Variants in RAB35 observed in about 807,000 individuals in gnomAD.
RAB35 encodes the protein ras-related protein Rab-35.
RAB35 carries 4 observed loss-of-function variants against 28.9 expected under a neutral mutation model. The ratio of observed to expected loss-of-function variants is 0.14; its 90% confidence interval spans 0.07 to 0.32. RAB35 has a LOEUF of 0.32. Ranked by LOEUF, RAB35 falls within the 10% of genes least tolerant of loss-of-function variation. RAB35 has a pLI of 1.00. For missense variants in RAB35, 128 were observed against 274.0 expected, an observed-to-expected ratio of 0.47 and a Z score of 3.76; for synonymous variants, 99 against 105.1, an observed-to-expected ratio of 0.94 and a Z score of 0.35.
At chr12:120,113,544 C>T (rs1488894133) in intron 1 of RAB35, among the ~76,000 whole-genome samples, 1 of 152,182 alleles carries the variant, frequency 6.6e-6, no homozygotes, top group East Asian at 1.9e-4. Flanking sequence ...ACTGGCCGGG[C>T]GCGGTGGCTC....
chr12:120,097,882 T>TA (rs1875491419), intron 5 of RAB35, among the ~76,000 whole-genome samples: 1 of 146,720 alleles, frequency 6.8e-6, no homozygotes, highest in Non-Finnish European at 1.5e-5. Flanking sequence ...CTGGAATCTT[T>TA]TTTTTTTTTT....
intron 3 of RAB35, among the ~76,000 whole-genome samples, chr12:120,102,214 C>T (rs2139051641): frequency 6.6e-6 from 1 of 152,328 alleles, no homozygotes; most frequent in South Asian, 2.1e-4. Flanking sequence ...GAGATAGTCA[C>T]AGGTCTCTCT....
intron 1 of RAB35, among the ~76,000 whole-genome samples, chr12:120,110,313 A>G (rs552010399): frequency 1.5e-3 from 13 of 8,924 alleles, no homozygotes; most frequent in Admixed American, 0.01. Flanking sequence ...TTGGAGAGAT[A>G]GGGCCTTACT....
chr12:120,112,501 G>A (rs966262927), intron 1 of RAB35, among the ~76,000 whole-genome samples: 1 of 151,342 alleles, frequency 6.6e-6, no homozygotes, highest in Non-Finnish European at 1.5e-5. Context: ...CGTGATCATA[G>A]CTCATTGCAG....
In RAB35 at chr12:120,103,761, C is replaced by T. The variant is rs1279701227; in HGVS notation, c.227+65G>A. ...TGACATTTCCACCATGACCAGGCACCGGTCGCTCAACTGTGTCCACAGGTC... is the reference window on the plus strand; with the variant it reads ...TGACATTTCCACCATGACCAGGCACTGGTCGCTCAACTGTGTCCACAGGTC... On this transcript the variant is annotated intron_variant, in intron 3 of 5. Transcript: ENST00000229340. This position sits in a 1 kb window ranked among gnomAD's most constrained non-coding sequence, Gnocchi z 6.1. 3.0e-5 allele frequency: 47 copies of T among 1,585,692 alleles called. No individual in the cohort carries two copies. Among genetic ancestry groups the T allele is most frequent in the Middle Eastern group, 3.6e-4 (2 of 5,558 alleles).
At chr12:120,106,721 C>T (rs373093869) in intron 2 of RAB35, among the ~76,000 whole-genome samples, 30 of 151,134 alleles carry the variant, frequency 2.0e-4, no homozygotes, top group Admixed American at 5.9e-4. Flanking sequence ...CCTGAGTAGC[C>T]GGGATTACAG....
In RAB35 at chr12:120,099,537, T is replaced by C. The variant is rs1594237691; in HGVS notation, c.228-383A>G. On this transcript the variant is annotated intron_variant, in intron 3 of 5. Transcript: ENST00000229340. ...ATCATGTTATCACTGTCTTTGAACATTCAAAAAAATATTTGCTCCTCAAAC... is the reference window on the plus strand; with the variant it reads ...ATCATGTTATCACTGTCTTTGAACACTCAAAAAAATATTTGCTCCTCAAAC... 1.7e-5 allele frequency: 4 copies of C among 238,102 alleles called. No individual in the cohort carries two copies. In the East Asian group the frequency reaches 2.9e-4, roughly 17 times the overall value. The allele number at this position is 238,102 out of a possible 1,614,324, so 14.7% of individuals were successfully genotyped here. A position where few individuals can be genotyped will look rare whatever the true frequency, so the allele number is the denominator to read the frequency against.
chr12:120,098,663 G>A (rs765345416), intron 5 of RAB35, 148 bp downstream of exon 5: 152 of 1,115,384 alleles, frequency 1.4e-4, no homozygotes, highest in Non-Finnish European at 1.8e-4. Context: ...AACTAAGATC[G>A]TTAAAGGGCC....
At chr12:120,114,941 C>T (rs1260665731) in intron 1 of RAB35, among the ~76,000 whole-genome samples, 2 of 152,192 alleles carry the variant, frequency 1.3e-5, no homozygotes, top group Admixed American at 6.5e-5. Context: ...GCCCCAGTGC[C>T]AGTCCCTCAG....
chr12:120,100,906 T>C (rs1357015431), intron 3 of RAB35, among the ~76,000 whole-genome samples: 4 of 152,116 alleles, frequency 2.6e-5, no homozygotes, highest in Non-Finnish European at 1.5e-5. Context: ...CAGGCGACTG[T>C]CCCCTGCCAG....
chr12:120,106,375 A>G (rs1875872987), intron 2 of RAB35, among the ~76,000 whole-genome samples: 1 of 152,194 alleles, frequency 6.6e-6, no homozygotes, highest in South Asian at 2.1e-4. Flanking sequence ...AGGTCATCCT[A>G]TAACAACCCC....
rs191322615 is a variant in RAB35 at position 120,116,662 on chromosome 12, G to A, written c.-12C>T. 0.045 allele frequency: 55,587 copies of A among 1,224,228 alleles called. 1,446 individuals are homozygous for A. Among genetic ancestry groups the A allele is most frequent in the Non-Finnish European group, 0.051 (50,307 of 982,944 alleles). 75.8% of individuals were successfully genotyped at this position (1,224,228 alleles called of 1,614,324 possible). A position where few individuals can be genotyped will look rare whatever the true frequency, so the allele number is the denominator to read the frequency against. On this transcript the variant is annotated 5_prime_UTR_variant, in exon 1 of 6. Transcript: ENST00000229340. ...TAGTCCCGGGCCATGGCGGGCGGGG[G>A]CGGTGCGCGCGGGCGGGCGGGGTCG... is the stretch of plus-strand genomic sequence containing the variant.
At chr12:120,101,973 C>T (rs1341330710) in intron 3 of RAB35, among the ~76,000 whole-genome samples, 2 of 152,254 alleles carry the variant, frequency 1.3e-5, no homozygotes, top group Non-Finnish European at 2.9e-5. Flanking sequence ...CCAGGCCCCA[C>T]TGCCCTGCCC....
At position 120,096,768 on chromosome 12, in the gene RAB35, G is replaced by A. The variant is rs1015425925; in HGVS notation, c.*477C>T. The A allele has an allele frequency of 1.0e-5, 13 of 1,290,368 alleles. No homozygotes were observed. The highest frequency in any genetic ancestry group is 5.5e-5 in the East Asian group (1 of 18,052). The allele number at this position is 1,290,368 out of a possible 1,614,324, so 79.9% of individuals were successfully genotyped here. On this transcript the variant is annotated 3_prime_UTR_variant, in exon 6 of 6. Coordinates refer to ENST00000229340, the MANE Select transcript of RAB35 (RefSeq NM_006861.7). ...ACCTGTCGGAGAGAATGAGCAACGCGGAGCCCACTCCACTGGCACGGGCTG... is the reference window on the plus strand; with the variant it reads ...ACCTGTCGGAGAGAATGAGCAACGCAGAGCCCACTCCACTGGCACGGGCTG...
intron 2 of RAB35, among the ~76,000 whole-genome samples, chr12:120,107,075 C>G (rs903225095): frequency 2.0e-5 from 3 of 151,868 alleles, no homozygotes; most frequent in Non-Finnish European, 4.4e-5. Context: ...TGCAACCTCC[C>G]TCTCCCGGAT....
intron 3 of RAB35, among the ~76,000 whole-genome samples, chr12:120,100,172 G>GCAGGCTGAGCAAGAATGGGGCAGC (rs1875603032): frequency 6.6e-6 from 1 of 152,216 alleles, no homozygotes; most frequent in Non-Finnish European, 1.5e-5. Flanking sequence ...CCAAGTCAGC[G>GCAGGCTGAGCAAGAATGGGGCAGC]CAGGCTGAGC....
chr12:120,100,004 G>A (rs1000329592), intron 3 of RAB35, among the ~76,000 whole-genome samples: 1 of 152,186 alleles, frequency 6.6e-6, no homozygotes, highest in Non-Finnish European at 1.5e-5. Flanking sequence ...AAAGCCGCAG[G>A]GACCTCCACC....
At chr12:120,110,290 A>ATTTTTTTTTTATTTTTTTTTTT (rs1876062776) in intron 1 of RAB35, among the ~76,000 whole-genome samples, 1 of 88,596 alleles carries the variant, frequency 1.1e-5, no homozygotes, top group East Asian at 4.3e-4. Context: ...AGCCCACAGC[A>ATTTTTTTTTTATTTTTTTTTTT]TTTTTTTTTT....
rs543322948 is a variant in RAB35 at position 120,101,582 on chromosome 12, C to A, written c.227+2244G>T. Among the ~76,000 whole-genome samples the A allele has an allele frequency of 3.9e-5, 6 of 152,360 alleles. No individual in the cohort carries two copies. In the South Asian group the frequency reaches 1.0e-3, roughly 26 times the overall value. The stretch of plus-strand genomic sequence containing the variant: ...CCTGACTGCCCTATTCCTGAAAACT[C>A]CTCACCTCCCCAAAACTCCTTCCTT... On this transcript the variant is annotated intron_variant, in intron 3 of 5. Coordinates refer to ENST00000229340, the MANE Select transcript of RAB35 (RefSeq NM_006861.7).
Sources: allele counts gnomAD v4.1 joint callset (sites outside exome capture counted in the v4.1 genomes callset), GRCh38; gene constraint gnomAD v4.1.1; non-coding constraint Gnocchi (gnomAD v3.1); transcripts MANE v1.5; gene names NCBI Gene and HGNC (gene_info 2026-07-23, HGNC 2026-07-21).